Variants in PTPRD observed in about 807,000 individuals in gnomAD.
PTPRD encodes the protein receptor-type tyrosine-protein phosphatase delta.
In PTPRD, 34 loss-of-function variants were observed where a neutral mutation model predicts 214.5. The ratio of observed to expected loss-of-function variants is 0.16; its 90% CI spans 0.12 to 0.21. The LOEUF (loss-of-function observed/expected upper bound fraction) is 0.21. Ranked by LOEUF, PTPRD falls within the 10% of genes least tolerant of loss-of-function variation. PTPRD has a pLI of 1.00. For synonymous variants in PTPRD, 1,128 were observed against 845.7 expected, an observed-to-expected ratio of 1.33 and a Z score of -5.79; for missense variants, 2,545 against 2,398.7, an observed-to-expected ratio of 1.06 and a Z score of -1.27.
intron 14 of PTPRD, among the ~76,000 whole-genome samples, chr9:8,535,189 A>G (rs914957059): frequency 6.6e-6 from 1 of 151,938 alleles, no homozygotes; most frequent in African/African-American, 2.4e-5. Context: ...GCATATATGT[A>G]CTTGCTTTAT....
intron 2 of PTPRD, among the ~76,000 whole-genome samples, chr9:10,600,928 A>G (rs2077806669): frequency 6.6e-6 from 1 of 151,736 alleles, no homozygotes; most frequent in Non-Finnish European, 1.5e-5. Flanking sequence ...GGCAATTATA[A>G]ATCTTCATTA....
chr9:9,546,261 T>C (rs578036687), intron 8 of PTPRD, among the ~76,000 whole-genome samples: 2 of 151,646 alleles, frequency 1.3e-5, no homozygotes, highest in East Asian at 3.9e-4. Context: ...ACATAGAAGA[T>C]CATGTCATCT....
chr9:8,465,116 A>C (rs1216404110), intron 32 of PTPRD, among the ~76,000 whole-genome samples: 1 of 151,922 alleles, frequency 6.6e-6, no homozygotes, highest in African/African-American at 2.4e-5. Context: ...TTTTTTGGAC[A>C]ACAGTCATTT....
intron 2 of PTPRD, among the ~76,000 whole-genome samples, chr9:10,475,644 C>G (rs192916638): frequency 2.0e-5 from 3 of 152,140 alleles, no homozygotes; most frequent in Non-Finnish European, 2.9e-5. Flanking sequence ...CCAGAATCAT[C>G]CTGATTCCAA....
At chr9:9,773,863 G>A (rs561583971) in intron 5 of PTPRD, among the ~76,000 whole-genome samples, 1 of 152,218 alleles carries the variant, frequency 6.6e-6, no homozygotes, top group East Asian at 1.9e-4. Context: ...AAAAAGATAA[G>A]CACTGTTCTT....
At chr9:10,194,343 TATAG>T (rs2099388330) in intron 3 of PTPRD, among the ~76,000 whole-genome samples, 4 of 41,032 alleles carry the variant, frequency 9.7e-5, no homozygotes, top group African/African-American at 3.4e-4. Context: ...TATATATATA[TATAG>T]AGAGAGAGAG....
intron 10 of PTPRD, among the ~76,000 whole-genome samples, chr9:9,092,902 TA>T (rs1023617386): frequency 1.6e-4 from 25 of 151,928 alleles, no homozygotes; most frequent in African/African-American, 5.8e-4. Flanking sequence ...AGATTTTACT[TA>T]AAAAAACCCA....
intron 10 of PTPRD, among the ~76,000 whole-genome samples, chr9:9,095,449 T>C (rs1420320092): frequency 3.9e-5 from 6 of 152,190 alleles, no homozygotes; most frequent in African/African-American, 1.2e-4. Flanking sequence ...TCAATGTCAA[T>C]TTTCTCCAGA....
rs556093652 is a variant in PTPRD, at chr9:9,019,773, A to T, written c.-142-1038T>A. ...TTTTATCAACGTTGAGAAAGATACAAGTCCATGAAAGTGTTGTAGTGTTTC... is the reference window on the plus strand; with the variant it reads ...TTTTATCAACGTTGAGAAAGATACATGTCCATGAAAGTGTTGTAGTGTTTC... On this transcript the variant is annotated intron_variant, in intron 10 of 45. Transcript: ENST00000381196. Among the ~76,000 whole-genome samples, 15 of 152,322 alleles carry T rather than the reference A, an allele frequency of 9.8e-5. No homozygotes were observed. The East Asian group carries it at 2.9e-3, about 29-fold the overall frequency.
intron 10 of PTPRD, 117 bp from the exon 11 acceptor site, chr9:9,018,852 C>A (rs374759966): frequency 2.0e-5 from 3 of 152,032 alleles, no homozygotes; most frequent in Non-Finnish European, 4.4e-5. Context: ...CAAATTCCAA[C>A]AAGAAGTGAA....
At chr9:9,967,231 C>T (rs1021505890) in intron 4 of PTPRD, among the ~76,000 whole-genome samples, 2 of 152,130 alleles carry the variant, frequency 1.3e-5, no homozygotes, top group African/African-American at 4.8e-5. Context: ...AAAATAGTGC[C>T]TCCCTCAGAG....
intron 4 of PTPRD, among the ~76,000 whole-genome samples, chr9:9,965,810 G>A (rs1296237963): frequency 6.6e-6 from 1 of 152,060 alleles, no homozygotes; most frequent in Non-Finnish European, 1.5e-5. Context: ...TTAAAACTTA[G>A]AGCTCTTGAA....
intron 9 of PTPRD, among the ~76,000 whole-genome samples, chr9:9,187,612 C>G (rs1163179830): frequency 6.6e-6 from 1 of 151,966 alleles, no homozygotes; most frequent in East Asian, 1.9e-4. Context: ...CCCTCTCTCT[C>G]TCTCTCAACC....
intron 3 of PTPRD, among the ~76,000 whole-genome samples, chr9:10,061,602 C>T (rs1191171879): frequency 6.6e-6 from 1 of 152,008 alleles, no homozygotes; most frequent in Non-Finnish European, 1.5e-5. Flanking sequence ...TTCCTATTCC[C>T]CACCATGTCA....
Position 8,556,035 on chromosome 9 carries a change from C to A in PTPRD, c.353-27256G>T, listed in dbSNP as rs139758915. 9.4e-4 allele frequency among the ~76,000 whole-genome samples: 143 copies of A among 152,270 alleles called. 1 individual carries two copies. Among genetic ancestry groups the A allele is most frequent in the African/African-American group, 3.4e-3 (140 of 41,556 alleles). On this transcript the variant is annotated intron_variant, in intron 14 of 45. Coordinates refer to ENST00000381196, the MANE Select transcript of PTPRD (RefSeq NM_002839.4). ...TCTTGGCGGATCTGGAAAGAGCATGCTACCCTTTGGGAAAACATCTGGGCT... is the reference window on the plus strand; with the variant it reads ...TCTTGGCGGATCTGGAAAGAGCATGATACCCTTTGGGAAAACATCTGGGCT...
chr9:8,399,244 T>C (rs2091929642), intron 36 of PTPRD, among the ~76,000 whole-genome samples: 1 of 152,152 alleles, frequency 6.6e-6, no homozygotes, highest in Non-Finnish European at 1.5e-5. Flanking sequence ...CACATCCTTG[T>C]TTTATAAGAA....
intron 7 of PTPRD, among the ~76,000 whole-genome samples, chr9:9,603,386 C>T (rs1254790484): frequency 6.6e-6 from 1 of 152,062 alleles, no homozygotes; most frequent in Non-Finnish European, 1.5e-5. Flanking sequence ...AGCTATGGTA[C>T]CCTAATTTCA....
At chr9:8,446,197 T>G (rs576425984) in intron 34 of PTPRD, among the ~76,000 whole-genome samples, 14 of 152,216 alleles carry the variant, frequency 9.2e-5, no homozygotes, top group Non-Finnish European at 1.6e-4. Context: ...ATGTTTGTGG[T>G]ACTGCATTTA....
chr9:9,080,518 TG>T (rs1725481630), intron 10 of PTPRD, among the ~76,000 whole-genome samples: 1 of 152,052 alleles, frequency 6.6e-6, no homozygotes, highest in African/African-American at 2.4e-5. Flanking sequence ...TTTTTGAGGT[TG>T]GTAAAATAAT....
Sources: allele counts gnomAD v4.1 joint callset (sites outside exome capture counted in the v4.1 genomes callset), GRCh38; gene constraint gnomAD v4.1.1; transcripts MANE v1.5; gene names NCBI Gene and HGNC (gene_info 2026-07-23, HGNC 2026-07-21).